Variants in LPIN1 observed in about 807,000 individuals in gnomAD.
The protein encoded by LPIN1 is phosphatidate phosphatase LPIN1.
LPIN1 carries 71 observed loss-of-function variants against 107.5 expected under a neutral mutation model. The ratio of observed to expected loss-of-function variants is 0.66; its 90% CI spans 0.55 to 0.80. The LOEUF (loss-of-function observed/expected upper bound fraction) is 0.80, where lower values mean the gene tolerates loss of function less well. Ranked by LOEUF, LPIN1 falls within the 30% of genes least tolerant of loss-of-function variation. The probability of loss-of-function intolerance (pLI) is 0.00; values close to 1 mark genes in which losing one functional copy is unlikely to be tolerated. For synonymous variants in LPIN1, 445 were observed against 452.6 expected, an observed-to-expected ratio of 0.98 and a Z score of 0.21; for missense variants, 1,043 against 1,160.6, an observed-to-expected ratio of 0.90 and a Z score of 1.47.
At chr2:11,812,546 T>TA (rs1679851619) in intron 17 of LPIN1, among the ~76,000 whole-genome samples, 1 of 152,082 alleles carries the variant, frequency 6.6e-6, no homozygotes, top group African/African-American at 2.4e-5. Context: ...AAAGGTGCTC[T>TA]AGGCAGGAGG....
chr2:11,773,249 G>A (rs1478674109), intron 4 of LPIN1, among the ~76,000 whole-genome samples: 2 of 152,172 alleles, frequency 1.3e-5, no homozygotes, highest in Non-Finnish European at 2.9e-5. Context: ...ACCTGGCAGG[G>A]GTTTTATACC....
intron 1 of LPIN1, among the ~76,000 whole-genome samples, chr2:11,693,076 C>T (rs910337626): frequency 2.0e-5 from 3 of 152,034 alleles, no homozygotes; most frequent in Non-Finnish European, 4.4e-5. Flanking sequence ...CTGTGACAGA[C>T]AAGATGGGTC....
Position 11,767,805 on chromosome 2 carries a change from A to G in LPIN1, c.235A>G (p.Lys79Glu). ...TGGGGAATCTGTGGATTTGCATATG[A>G]AATTGGGAGATAATGGAGAAGCATT... ...INGESVDLHM[K>E]LGDNGEAFFV... The change falls in exon 3 of 21, where the codon AAA becomes GAA. Residue 79 changes from lysine (K) to glutamate (E), a missense_variant. Lys to Glu is a moderately conservative substitution (Grantham distance 56, BLOSUM62 1). Transcript: ENST00000674199. 1 of 1,613,180 alleles carries G rather than the reference A, an allele frequency of 6.2e-7. No homozygotes were observed. Among genetic ancestry groups the G allele is most frequent in the South Asian group, 1.1e-5 (1 of 91,060 alleles).
At position 11,767,802 on chromosome 2, in the gene LPIN1, A is replaced by T. The variant is rs182735664; in HGVS notation, c.232A>T (p.Met78Leu). The T allele has an allele frequency of 1.1e-5, 17 of 1,613,082 alleles. 1 individual carries two copies. In the East Asian group the frequency reaches 3.8e-4, roughly 36 times the overall value. ...EINGESVDLH[M>L]KLGDNGEAFF... ...CAATGGGGAATCTGTGGATTTGCAT[A>T]TGAAATTGGGAGATAATGGAGAAGC... The change falls in exon 3 of 21, where the codon ATG (methionine) becomes TTG (leucine). Residue 78 changes from methionine to leucine, a missense_variant. Physicochemically the swap from Met to Leu is conservative, Grantham distance 15 (BLOSUM62 2). Coordinates refer to ENST00000674199, the MANE Select transcript of LPIN1 (RefSeq NM_001349206.2).
chr2:11,733,648 C>T (rs1353616033), intron 1 of LPIN1, among the ~76,000 whole-genome samples: 1 of 152,070 alleles, frequency 6.6e-6, no homozygotes, highest in Non-Finnish European at 1.5e-5. Flanking sequence ...TGCACAACGA[C>T]GCCTGGATAA....
intron 20 of LPIN1, 80 bp from the exon 21 acceptor site, chr2:11,824,552 T>G: frequency 7.0e-7 from 1 of 1,432,166 alleles, no homozygotes; most frequent in South Asian, 1.1e-5. Flanking sequence ...AGGTTGTAGA[T>G]CTCTCTTGAC....
intron 1 of LPIN1, among the ~76,000 whole-genome samples, chr2:11,704,310 A>T (rs1016723344): frequency 2.6e-5 from 4 of 152,170 alleles, no homozygotes; most frequent in Non-Finnish European, 5.9e-5. Context: ...CATGCATCTC[A>T]TGTGAAGCTT....
chr2:11,778,489 C>T (rs1192632060), intron 6 of LPIN1, among the ~76,000 whole-genome samples: 5 of 152,192 alleles, frequency 3.3e-5, no homozygotes, highest in Admixed American at 3.3e-4. Context: ...CATGAACTCA[C>T]CTTGTATTGA....
At chr2:11,772,552 G>T (rs1361558627) in intron 4 of LPIN1, among the ~76,000 whole-genome samples, 1 of 152,172 alleles carries the variant, frequency 6.6e-6, no homozygotes, top group Non-Finnish European at 1.5e-5. Context: ...CTGATTTCAG[G>T]CTTAAAAGTG....
At chr2:11,693,755 G>A (rs1035305056) in intron 1 of LPIN1, among the ~76,000 whole-genome samples, 1 of 133,030 alleles carries the variant, frequency 7.5e-6, no homozygotes, top group Non-Finnish European at 1.5e-5. Context: ...GAATTCTTGG[G>A]GGCAAGAGCC....
intron 1 of LPIN1, among the ~76,000 whole-genome samples, chr2:11,755,577 G>A (rs1668546942): frequency 6.6e-6 from 1 of 152,166 alleles, no homozygotes; most frequent in Non-Finnish European, 1.5e-5. Flanking sequence ...GGGCTGAGGA[G>A]AAGGTTGAGG....
chr2:11,767,834 T>G lies in LPIN1; in HGVS notation c.264T>G (p.Phe88Leu), dbSNP rs1671175267. 6.2e-7 allele frequency: 1 copy of G among 1,611,932 alleles called. No homozygotes were observed. The highest frequency in any genetic ancestry group is 1.3e-5 in the African/African-American group (1 of 74,918). The change falls in exon 3 of 21, where the codon TTT becomes TTG. Residue 88 changes from phenylalanine to leucine, a missense_variant. Physicochemically the swap from Phe to Leu is conservative, Grantham distance 22 (BLOSUM62 0). Transcript: ENST00000674199. ...TGGGAGATAATGGAGAAGCATTTTT[T>G]GTTCAAGAAACAGATAATGATCAGG... ...MKLGDNGEAF[F>L]VQETDNDQEV... is the part of the protein sequence containing the mutation.
chr2:11,727,255 G>C (rs1664758526), intron 1 of LPIN1, among the ~76,000 whole-genome samples: 1 of 152,074 alleles, frequency 6.6e-6, no homozygotes, highest in African/African-American at 2.4e-5. Context: ...TCTTCTTTAA[G>C]GAAAAGTAGC....
rs920546562 is a variant in LPIN1, at chr2:11,765,040, C to T, written c.-9-493C>T. 1.3e-5 allele frequency among the ~76,000 whole-genome samples: 2 copies of T among 152,024 alleles called. No homozygotes were observed. Among genetic ancestry groups the T allele is most frequent in the Non-Finnish European group, 1.5e-5 (1 of 68,006 alleles). ...ATAGGCCGTGATGGGCCATGATGGG[C>T]TGTGATGGATCCTGATGGGCCGTGA... On this transcript the variant is annotated intron_variant, in intron 1 of 20. Coordinates refer to ENST00000674199, the MANE Select transcript of LPIN1 (RefSeq NM_001349206.2). The surrounding 1 kb of genome is among the most constrained non-coding windows in gnomAD (Gnocchi z 4.4).
exon 1 of LPIN1, chr2:11,677,692 G>T (rs145228255): frequency 6.5e-7 from 1 of 1,535,714 alleles, no homozygotes; most frequent in Non-Finnish European, 8.7e-7. Context: ...GGGAGACCTC[G>T]CAGGGCAAGA....
At chr2:11,737,605 C>T (rs1665917814) in intron 1 of LPIN1, among the ~76,000 whole-genome samples, 1 of 152,192 alleles carries the variant, frequency 6.6e-6, no homozygotes, top group African/African-American at 2.4e-5. Context: ...CAAAAGAAGA[C>T]ATTTATGTGG....
At chr2:11,785,165 C>A in intron 10 of LPIN1, 89 bp downstream of exon 10, 2 of 995,118 alleles carry the variant, frequency 2.0e-6, no homozygotes, top group Non-Finnish European at 2.9e-6. Flanking sequence ...CGTGTCAAGG[C>A]AGCTTTTCCC....
At chr2:11,759,851 G>C (rs1288913898) in intron 1 of LPIN1, among the ~76,000 whole-genome samples, 3 of 122,572 alleles carry the variant, frequency 2.4e-5, no homozygotes, top group Non-Finnish European at 5.3e-5. Flanking sequence ...GCGGCTGGCC[G>C]GGCGGGGGCT....
rs1681964742 is a variant in LPIN1 at position 11,823,758 on chromosome 2, AG to A, written c.2622-873del. Among the ~76,000 whole-genome samples the A allele has an allele frequency of 2.0e-5, 3 of 152,332 alleles. No individual in the cohort carries two copies. In the South Asian group the frequency reaches 6.2e-4, roughly 32 times the overall value. On this transcript the variant is annotated intron_variant, in intron 20 of 20. Coordinates refer to ENST00000674199, the MANE Select transcript of LPIN1 (RefSeq NM_001349206.2). The stretch of plus-strand genomic sequence containing the variant: ...ATAGCAATAGCAACTTTCTTTTCAT[AG>A]TATAAGCCACAGAAACTAACATGCA...
Sources: gnomAD v4.1 joint callset for allele counts (sites outside exome capture counted in the v4.1 genomes callset) on GRCh38, gnomAD v4.1.1 for gene constraint, Gnocchi (gnomAD v3.1) non-coding constraint, MANE v1.5 for transcripts, NCBI Gene and HGNC (gene_info 2026-07-23, HGNC 2026-07-21) for gene names.